SLC12A3: variants seen among roughly 807,000 people sequenced by gnomAD.
The protein encoded by SLC12A3 is Na-Cl cotransporter.
A neutral mutation model predicts 121.0 loss-of-function variants in SLC12A3; 104 were observed. That is an observed-to-expected ratio of 0.86 (90% CI 0.73 to 1.01). SLC12A3 has a LOEUF of 1.01. SLC12A3 is among the 50% of genes least tolerant of loss of function. The pLI, the probability that SLC12A3 is intolerant of heterozygous loss-of-function variation, is 0.00. For synonymous variants in SLC12A3, 536 were observed against 533.4 expected (o/e 1.00, Z -0.07); for missense variants, 1,328 against 1,356.3 (o/e 0.98, Z 0.33).
chr16:56,873,715 T>A (rs1375371526), intron 8 of SLC12A3, among the ~76,000 whole-genome samples: 1 of 148,144 alleles, frequency 6.8e-6, no homozygotes, highest in African/African-American at 2.5e-5. Context: ...TTTATTTTTT[T>A]TTTTTTGAGA....
chr16:56,897,262 T>C (rs575921324), intron 22 of SLC12A3, among the ~76,000 whole-genome samples: 2 of 152,074 alleles, frequency 1.3e-5, no homozygotes, highest in East Asian at 1.9e-4. Flanking sequence ...AGGCTGGAGG[T>C]TGGCTGGAGG....
chr16:56,878,055 C>CTCCCTCCCTCCCTCCCTCT, intron 8 of SLC12A3, 22 bp from the exon 9 acceptor site: 1 of 885,662 alleles, frequency 1.1e-6, no homozygotes, highest in Admixed American at 2.0e-5. Context: ...TCCCTCCCTC[C>CTCCCTCCCTCCCTCCCTCT]CTCTCTCCCT....
chr16:56,872,040 C>G (rs1238315055), intron 6 of SLC12A3, among the ~76,000 whole-genome samples: 5 of 151,988 alleles, frequency 3.3e-5, no homozygotes, highest in African/African-American at 1.2e-4. Flanking sequence ...TTAGTAGAGA[C>G]AGAGTTTCCC....
intron 25 of SLC12A3, 110 bp from the exon 26 acceptor site, chr16:56,913,154 A>G: frequency 7.1e-7 from 1 of 1,407,448 alleles, no homozygotes. Flanking sequence ...GGGTGGAAGG[A>G]GCTCTGAGGG....
chr16:56,867,172 A>G lies in SLC12A3; in HGVS notation c.385A>G (p.Asn129Asp), dbSNP rs1964376572. ...EGEAGTSSEK[N>D]PEEPVRFGWV... ...CGAGGCAGGCACCAGCAGCGAGAAG[A>G]ACCCCGAGGAGCCAGTGCGCTTCGG... The change falls in exon 2 of 26, where the codon AAC becomes GAC. Residue 129 changes from asparagine to aspartate, a missense_variant. Asn to Asp is a conservative substitution (Grantham distance 23). Transcript: ENST00000563236. The G allele has an allele frequency of 3.1e-6, 5 of 1,613,686 alleles. No homozygotes were observed. The highest frequency in any genetic ancestry group is 4.2e-6 in the Non-Finnish European group (5 of 1,179,954).
rs182868329 is a variant in SLC12A3, at chr16:56,877,473, G to A, written c.1096-604G>A. Reference sequence around the variant, plus strand: ...TGAGCAGATATTTATTTCTTAGAACGGAAGGAGAAAATTTGGGGTGTATCC... The same window carrying A: ...TGAGCAGATATTTATTTCTTAGAACAGAAGGAGAAAATTTGGGGTGTATCC... On this transcript the variant is annotated intron_variant, in intron 8 of 25. Coordinates refer to ENST00000563236, the MANE Select transcript of SLC12A3 (RefSeq NM_001126108.2). Among the ~76,000 whole-genome samples, 134 of 152,230 alleles carry A rather than the reference G, an allele frequency of 8.8e-4. 1 individual carries two copies. The highest frequency in any genetic ancestry group is 3.0e-3 in the African/African-American group (123 of 41,542).
intron 20 of SLC12A3, among the ~76,000 whole-genome samples, chr16:56,892,727 C>A (rs552344812): frequency 1.9e-4 from 29 of 152,276 alleles, no homozygotes; most frequent in Non-Finnish European, 3.8e-4. Context: ...ACCCAGAGGG[C>A]TCTGGGACTG....
At chr16:56,869,430 C>T (rs561573592) in intron 3 of SLC12A3, among the ~76,000 whole-genome samples, 11 of 152,214 alleles carry the variant, frequency 7.2e-5, no homozygotes, top group East Asian at 3.9e-4. Context: ...TGGGTTCAAG[C>T]GATTCTCCTG....
At chr16:56,899,709 G>A (rs1273565531) in intron 23 of SLC12A3, 93 bp downstream of exon 23, 1 of 900,982 alleles carries the variant, frequency 1.1e-6, no homozygotes, top group Non-Finnish European at 1.9e-6. Flanking sequence ...GGTAGACTAG[G>A]AGCAAGGGTC....
chr16:56,878,983 C>T (rs772175535), intron 9 of SLC12A3, 90 bp from the exon 10 acceptor site: 7 of 1,481,212 alleles, frequency 4.7e-6, no homozygotes, highest in Non-Finnish European at 5.5e-6. Flanking sequence ...CCATCATCTG[C>T]AGCACCTCGC....
chr16:56,876,221 C>CTA (rs2055161963), intron 8 of SLC12A3, among the ~76,000 whole-genome samples: 2 of 152,186 alleles, frequency 1.3e-5, no homozygotes, highest in Admixed American at 6.5e-5. Context: ...GGACACCAGT[C>CTA]ATTGCATTTG....
chr16:56,879,838 C>G (rs1251393540), intron 11 of SLC12A3, among the ~76,000 whole-genome samples, 189 bp downstream of exon 11: 2 of 152,166 alleles, frequency 1.3e-5, no homozygotes, highest in Admixed American at 6.5e-5. Flanking sequence ...TTGACAAACA[C>G]CTGCAGTCCC....
chr16:56,892,588 TTTCC>T (rs2055403744), intron 20 of SLC12A3, among the ~76,000 whole-genome samples: 1 of 152,050 alleles, frequency 6.6e-6, no homozygotes, highest in African/African-American at 2.4e-5. Context: ...GGGGTGGGAT[TTTCC>T]TTCGTCCTCT....
At chr16:56,889,088 C>T (rs2055356161) in intron 18 of SLC12A3, among the ~76,000 whole-genome samples, 2 of 151,008 alleles carry the variant, frequency 1.3e-5, no homozygotes, top group Admixed American at 1.4e-4. Context: ...GAGATGCCTC[C>T]CTCAGTGGCT....
chr16:56,901,359 T>TTTTTTTTTTTTTTA (rs1425567383), intron 23 of SLC12A3, among the ~76,000 whole-genome samples: 3 of 150,810 alleles, frequency 2.0e-5, no homozygotes, highest in Admixed American at 1.3e-4. Flanking sequence ...TTTTTTTTTT[T>TTTTTTTTTTTTTTA]GAGACAGTCT....
chr16:56,882,644 A>G, intron 13 of SLC12A3, 147 bp downstream of exon 13: 1 of 717,616 alleles, frequency 1.4e-6, no homozygotes, highest in Non-Finnish European at 2.5e-6. Flanking sequence ...ACATTAATAT[A>G]ATAATAGCAG....
At chr16:56,865,551 T>C in intron 1 of SLC12A3, 34 bp downstream of exon 1, 3 of 1,604,618 alleles carry the variant, frequency 1.9e-6, no homozygotes, top group Non-Finnish European at 2.5e-6. Context: ...GCCACTTCCC[T>C]GCTGTGTGAC....
At chr16:56,912,420 G>A (rs1459143151) in intron 25 of SLC12A3, among the ~76,000 whole-genome samples, 1 of 152,230 alleles carries the variant, frequency 6.6e-6, no homozygotes, top group Non-Finnish European at 1.5e-5. Context: ...CTCCCCATAG[G>A]CAGCGGTGGA....
Position 56,879,664 on chromosome 16 carries a change from AG to A in SLC12A3, c.1443+19del. 6.3e-7 allele frequency: 1 copy of A among 1,594,948 alleles called. No homozygotes were observed. The highest frequency in any genetic ancestry group is 8.6e-7 in the Non-Finnish European group (1 of 1,165,004). ...AAGTCTTCCAGGTGAGGCCGCAGAAAGGGGTCGAGATGACAGGGGGTGGGGA... is the reference window on the plus strand; with the variant it reads ...AAGTCTTCCAGGTGAGGCCGCAGAAAGGGTCGAGATGACAGGGGGTGGGGA... On this transcript the variant is annotated intron_variant, in intron 11 of 25. Transcript: ENST00000563236.
Sources: gnomAD v4.1 joint callset for allele counts (sites outside exome capture counted in the v4.1 genomes callset) on GRCh38, gnomAD v4.1.1 for gene constraint, MANE v1.5 for transcripts, NCBI Gene and HGNC (gene_info 2026-07-23, HGNC 2026-07-21) for gene names.